The following CNTN1 variants were observed in gnomAD, a reference collection of about 807,000 sequenced individuals.
CNTN1 encodes the protein contactin-1.
CNTN1 carries 38 observed loss-of-function variants against 126.4 expected under a neutral mutation model. The ratio of observed to expected loss-of-function variants is 0.30; its 90% CI spans 0.23 to 0.39. The LOEUF is 0.39. CNTN1 is among the 10% of genes least tolerant of loss of function. The probability of loss-of-function intolerance (pLI) is 1.00; values close to 1 mark genes in which losing one functional copy is unlikely to be tolerated. For missense variants in CNTN1, 1,009 were observed against 1,248.4 expected, an observed-to-expected ratio of 0.81 and a Z score of 2.89; for synonymous variants, 413 against 422.6, an observed-to-expected ratio of 0.98 and a Z score of 0.28.
chr12:41,024,201 G>A (rs1948988237), intron 20 of CNTN1, among the ~76,000 whole-genome samples: 1 of 151,942 alleles, frequency 6.6e-6, no homozygotes, highest in Non-Finnish European at 1.5e-5. Flanking sequence ...AAAAAATGCA[G>A]GATTATATTA....
chr12:40,899,334 C>T, intron 1 of CNTN1, among the ~76,000 whole-genome samples: 1 of 152,138 alleles, frequency 6.6e-6, no homozygotes, highest in African/African-American at 2.4e-5. Flanking sequence ...AAAACACATT[C>T]AATCAGGTCA....
chr12:40,945,666 GA>G (rs984527679), intron 14 of CNTN1, among the ~76,000 whole-genome samples: 1 of 136,128 alleles, frequency 7.3e-6, no homozygotes, highest in Non-Finnish European at 1.6e-5. Context: ...ACTGCAAAAA[GA>G]AAATGGAAAA....
chr12:40,862,747 C>T (rs1319455219), intron 1 of CNTN1, among the ~76,000 whole-genome samples: 1 of 152,150 alleles, frequency 6.6e-6, no homozygotes, highest in Non-Finnish European at 1.5e-5. Flanking sequence ...ATTTAACACT[C>T]TTTTCTGAAC....
intron 1 of CNTN1, among the ~76,000 whole-genome samples, chr12:40,905,657 T>C (rs921891607): frequency 6.6e-6 from 1 of 152,212 alleles, no homozygotes; most frequent in Admixed American, 6.5e-5. Context: ...ATATGTCATC[T>C]AAGTTAATTT....
In CNTN1 at chr12:40,703,025, A is replaced by ATAT. The variant is rs1555142293; in HGVS notation, c.-77+10434_-77+10435insATT. On this transcript the variant is annotated intron_variant, in intron 1 of 23. Transcript: ENST00000551295. ...ATTGCTAGCCAAGAGGTATATATAT[A>ATAT]TTTTTTACAGATTATTGATATTTCC... Among the ~76,000 whole-genome samples, 14 of 151,984 alleles carry ATAT rather than the reference A, an allele frequency of 9.2e-5. No homozygotes were observed. The South Asian group carries it at 2.5e-3, about 27-fold the overall frequency.
chr12:40,863,178 G>T lies in CNTN1; in HGVS notation c.-76-45179G>T, dbSNP rs1486746392. On this transcript the variant is annotated intron_variant, in intron 1 of 23. Coordinates refer to ENST00000551295, the MANE Select transcript of CNTN1 (RefSeq NM_001843.4). The stretch of plus-strand genomic sequence containing the variant: ...TTATTGCCAAATAGAACTGCAGGAA[G>T]TATATTATGTTCAATGCTGGACTGT... Among the ~76,000 whole-genome samples the T allele has an allele frequency of 2.7e-4, 41 of 152,098 alleles. 1 individual carries two copies. The highest frequency in any genetic ancestry group is 2.7e-3 in the Admixed American group (41 of 15,248).
chr12:40,701,343 CA>C (rs1296639424), intron 1 of CNTN1, among the ~76,000 whole-genome samples: 17 of 152,238 alleles, frequency 1.1e-4, no homozygotes, highest in African/African-American at 3.9e-4. Flanking sequence ...AATTTTGACA[CA>C]AGCACCAGAA....
chr12:41,061,886 T>C (rs2121110581), intron 23 of CNTN1: 1 of 451,182 alleles, frequency 2.2e-6, no homozygotes, highest in Admixed American at 2.4e-5. Flanking sequence ...GAACTAGAGG[T>C]AGGTCTTAAG....
At chr12:40,982,601 C>T (rs988580622) in intron 16 of CNTN1, among the ~76,000 whole-genome samples, 1 of 152,050 alleles carries the variant, frequency 6.6e-6, no homozygotes, top group Non-Finnish European at 1.5e-5. Flanking sequence ...TATCAGGGCC[C>T]ACAGTGCTCA....
intron 1 of CNTN1, among the ~76,000 whole-genome samples, chr12:40,859,219 C>T (rs183268614): frequency 6.6e-6 from 1 of 152,006 alleles, no homozygotes; most frequent in Admixed American, 6.6e-5. Flanking sequence ...GGAGAATAGA[C>T]CCATAAGTAG....
chr12:40,947,560 A>G (rs1350553938), intron 14 of CNTN1, among the ~76,000 whole-genome samples: 2 of 151,922 alleles, frequency 1.3e-5, no homozygotes, highest in East Asian at 3.9e-4. Context: ...CAATCTATCA[A>G]AAATATGAAT....
At chr12:40,754,616 C>T (rs1471164764) in intron 1 of CNTN1, among the ~76,000 whole-genome samples, 1 of 151,900 alleles carries the variant, frequency 6.6e-6, no homozygotes, top group African/African-American at 2.4e-5. Flanking sequence ...CATGCATTGC[C>T]AGGTTTTTCT....
At chr12:41,010,198 T>TG (rs890775020) in intron 17 of CNTN1, among the ~76,000 whole-genome samples, 3 of 152,020 alleles carry the variant, frequency 2.0e-5, no homozygotes, top group African/African-American at 7.3e-5. Context: ...TGCTGTATGT[T>TG]GGTTTGAGCC....
At chr12:40,852,420 C>T (rs1942753972) in intron 1 of CNTN1, among the ~76,000 whole-genome samples, 1 of 152,138 alleles carries the variant, frequency 6.6e-6, no homozygotes, top group Admixed American at 6.5e-5. Flanking sequence ...AGTGCTCTTT[C>T]AGGTACCTGG....
chr12:40,716,297 C>T (rs1421584374), intron 1 of CNTN1, among the ~76,000 whole-genome samples: 1 of 151,032 alleles, frequency 6.6e-6, no homozygotes, highest in Admixed American at 6.6e-5. Flanking sequence ...CCTCTCTCTC[C>T]CTTTCTTCCT....
intron 6 of CNTN1, among the ~76,000 whole-genome samples, chr12:40,927,198 T>A (rs1169947406): frequency 6.6e-6 from 1 of 152,002 alleles, no homozygotes; most frequent in Non-Finnish European, 1.5e-5. Context: ...ACTGAAAAAA[T>A]AATTTTATGG....
At chr12:40,845,324 C>G (rs1369797307) in intron 1 of CNTN1, among the ~76,000 whole-genome samples, 1 of 152,040 alleles carries the variant, frequency 6.6e-6, no homozygotes, top group Admixed American at 6.6e-5. Flanking sequence ...ATAATAGATA[C>G]TAAATGTAGA....
At chr12:40,868,872 G>T (rs972469062) in intron 1 of CNTN1, among the ~76,000 whole-genome samples, 1 of 152,046 alleles carries the variant, frequency 6.6e-6, no homozygotes, top group Non-Finnish European at 1.5e-5. Flanking sequence ...AGCAATAATA[G>T]ATGCTTTAAA....
intron 14 of CNTN1, among the ~76,000 whole-genome samples, chr12:40,957,592 A>AAAATAAAT (rs60750061): frequency 0.31 from 42,942 of 140,452 alleles, 6,893 homozygotes; most frequent in Middle Eastern, 0.39. Flanking sequence ...TGGTATGACA[A>AAAATAAAT]AAATAAATAA....
Sources: allele counts gnomAD v4.1 joint callset (sites outside exome capture counted in the v4.1 genomes callset), GRCh38; gene constraint gnomAD v4.1.1; transcripts MANE v1.5; gene names NCBI Gene and HGNC (gene_info 2026-07-23, HGNC 2026-07-21).